The following TTN variants were observed in gnomAD, a reference collection of about 807,000 sequenced individuals.
TTN encodes the protein connectin.
TTN carries 1,525 observed loss-of-function variants against 3,223.0 expected under a neutral mutation model. The observed-to-expected ratio is 0.47, with a 90% CI of 0.45 to 0.49. TTN has a LOEUF of 0.49. Ranked by LOEUF, TTN falls within the 20% of genes least tolerant of loss-of-function variation. TTN has a pLI of 0.00. For synonymous variants in TTN, 14,094 were observed against 15,161.0 expected, an observed-to-expected ratio of 0.93 and a Z score of 5.17; for missense variants, 40,786 against 43,424.0, an observed-to-expected ratio of 0.94 and a Z score of 5.40.
chr2:178,797,652 G>A (rs748456782), intron 6 of TTN, among the ~76,000 whole-genome samples: 1 of 151,996 alleles, frequency 6.6e-6, no homozygotes, highest in East Asian at 1.9e-4. Flanking sequence ...GGCTGGTGTT[G>A]TCTACCTTGT....
chr2:178,559,309 A>G lies in TTN; in HGVS notation c.86821+2T>C. 1 of 1,582,038 alleles carries G rather than the reference A, an allele frequency of 6.3e-7. No individual in the cohort carries two copies. The highest frequency in any genetic ancestry group is 2.2e-5 in the East Asian group (1 of 44,516). ...TAGAATTTCCTTATTCTTAAAACAT[A>G]CCTGTTATTTTTACTCCTTCCTTTG... On this transcript the variant is annotated splice_donor_variant, in intron 326 of 362. Coordinates refer to ENST00000589042, the MANE Select transcript of TTN (RefSeq NM_001267550.2). LOFTEE classifies it high-confidence loss of function.
intron 202 of TTN, 33 bp from the exon 203 acceptor site, chr2:178,652,380 A>T (rs1560108249): frequency 6.2e-7 from 1 of 1,612,228 alleles, no homozygotes. Context: ...ACATTTAGGC[A>T]TTATGAAGAC....
chr2:178,681,252 T>A, intron 137 of TTN, 81 bp from the exon 138 acceptor site: 1 of 1,456,794 alleles, frequency 6.9e-7, no homozygotes. Flanking sequence ...AAAACTGAAA[T>A]GTAAGAATCA....
chr2:178,794,377 C>T (rs773487923), intron 8 of TTN, 22 bp downstream of exon 8: 36 of 1,613,850 alleles, frequency 2.2e-5, no homozygotes, highest in Non-Finnish European at 3.0e-5. Flanking sequence ...CTGCGGGTGC[C>T]CCATGGCAGC....
At chr2:178,537,292 GA>G (rs755825706) in intron 355 of TTN, 49 bp from the exon 356 acceptor site, 2 of 1,528,826 alleles carry the variant, frequency 1.3e-6, no homozygotes, top group African/African-American at 1.4e-5. Context: ...GTGTTTTTGA[GA>G]TTTTTTTTTC....
At chr2:178,747,469 G>A in intron 47 of TTN, 1 of 1,613,366 alleles carries the variant, frequency 6.2e-7, no homozygotes, top group Non-Finnish European at 8.5e-7. Context: ...TTTCTTCACT[G>A]GTTGTACTTC....
intron 151 of TTN, among the ~76,000 whole-genome samples, chr2:178,673,957 G>T (rs910312454): frequency 3.3e-5 from 5 of 151,484 alleles, no homozygotes; most frequent in African/African-American, 1.2e-4. Context: ...GTAAATTAAA[G>T]ATTTTTCTTA....
chr2:178,711,243 G>A lies in TTN; in HGVS notation c.27993C>T (p.Ser9331=), dbSNP rs775636126. 12 of 1,613,766 alleles carry A rather than the reference G, an allele frequency of 7.4e-6. No homozygotes were observed. The highest frequency in any genetic ancestry group is 2.2e-5 in the East Asian group (1 of 44,864). ...GCTTGCCGTCTTTATACCAAGACAC[G>A]GAGATAGGTTCTGATCCACTTATGG... is the stretch of plus-strand genomic sequence containing the variant. The part of the protein sequence containing the change: ...DCAISGSEPI[S]VSWYKDGKPL... Residue 9331 remains serine (S), a synonymous_variant, in exon 97 of 363, where the codon TCC becomes TCT. Transcript: ENST00000589042.
Position 178,608,650 on chromosome 2 carries a change from C to T in TTN, c.52361G>A (p.Gly17454Asp). The change falls in exon 274 of 363, where the codon GGT becomes GAT. Residue 17454 changes from glycine (G) to aspartate (D), a missense_variant. By Grantham distance (94) the Gly-to-Asp change is moderately conservative. Coordinates refer to ENST00000589042, the MANE Select transcript of TTN (RefSeq NM_001267550.2). ...RVRAENRFGP[G>D]PPCVSKPLVA... ...AAGTGGCTTTGAAACACATGGTGGA[C>T]CTGGCCCAAATCTGTTTTCAGCTCT... The T allele has an allele frequency of 1.9e-6, 3 of 1,611,898 alleles. No homozygotes were observed. Among genetic ancestry groups the T allele is most frequent in the Non-Finnish European group, 2.5e-6 (3 of 1,178,906 alleles).
rs751239780 is a variant in TTN, at chr2:178,730,553, T to A, written c.17980A>T (p.Thr5994Ser). The A allele has an allele frequency of 3.1e-6, 5 of 1,613,518 alleles. No individual in the cohort carries two copies. ...TDSGTYTCSA[T>S]NKAGHNQCSG... Reference sequence around the variant, plus strand: ...CATTGGTTGTGCCCTGCCTTATTTGTGGCAGAACAAGTGTATGTCCCACTG... The same window carrying A: ...CATTGGTTGTGCCCTGCCTTATTTGAGGCAGAACAAGTGTATGTCCCACTG... Residue 5994 changes from threonine (T) to serine (S), a missense_variant, in exon 61 of 363, where the codon ACA becomes TCA. Transcript: ENST00000589042.
rs749592460 is a variant in TTN, at chr2:178,618,169, A to G, written c.47269+20T>C. ...GCAATTTACTTAAAAGCTAACTTGA[A>G]TTTACTTAAAACTTCTTACCATATT... On this transcript the variant is annotated intron_variant, in intron 252 of 362. Coordinates refer to ENST00000589042, the MANE Select transcript of TTN (RefSeq NM_001267550.2). 6.2e-7 allele frequency: 1 copy of G among 1,610,610 alleles called. No individual in the cohort carries two copies. Among genetic ancestry groups the G allele is most frequent in the Admixed American group, 1.7e-5 (1 of 59,462 alleles).
At chr2:178,788,016 C>T (rs2093296519) in intron 13 of TTN, among the ~76,000 whole-genome samples, 1 of 152,034 alleles carries the variant, frequency 6.6e-6, no homozygotes, top group South Asian at 2.1e-4. Flanking sequence ...GAAATGCTCA[C>T]TGTTCAACTG....
rs1258062795 is a variant in TTN, at chr2:178,614,953, A to T, written c.48654T>A (p.Gly16218=). The change falls in exon 260 of 363, where the codon GGT becomes GGA. Residue 16218 remains glycine, a synonymous_variant. Transcript: ENST00000589042. ...PVAETKMEVT[G]LEEGKWYAYR... is the part of the protein sequence containing the mutation. ...AGGCATACCATTTGCCTTCCTCAAG[A>T]CCTGTCACTTCCATTCTGTCAGAAA... The T allele has an allele frequency of 5.0e-6, 8 of 1,598,328 alleles. No homozygotes were observed. The Admixed American group carries it at 5.2e-5, about 10-fold the overall frequency.
Position 178,566,080 on chromosome 2 carries a change from T to C in TTN, c.80052A>G (p.Pro26684=), listed in dbSNP as rs761021676. 6.2e-7 allele frequency: 1 copy of C among 1,613,672 alleles called. No individual in the cohort carries two copies. The highest frequency in any genetic ancestry group is 1.3e-5 in the African/African-American group (1 of 75,016). ...TGACTGCCAAATTCTGTGGTGGTCC[T>C]GGAGTGTCAAGAACTTTCACAGTTA... is the stretch of plus-strand genomic sequence containing the variant. ...AFVTVKVLDT[P]GPPQNLAVKE... is the part of the protein sequence containing the mutation. Residue 26684 remains proline, a synonymous_variant, in exon 326 of 363, where the codon CCA becomes CCG. Transcript: ENST00000589042.
chr2:178,668,232 T>A (rs574640601), intron 159 of TTN, among the ~76,000 whole-genome samples: 345 of 152,168 alleles, frequency 2.3e-3, no homozygotes, highest in African/African-American at 8.0e-3. Context: ...ATTAAAAAAA[T>A]TAAATACTTA....
At position 178,619,459 on chromosome 2, in the gene TTN, A is replaced by C. The variant is rs537936248; in HGVS notation, c.46696+162T>G. The stretch of plus-strand genomic sequence containing the variant: ...TATTGCTATTAATTTCCTCTTACTC[A>C]AGACACTTACTTTGTAGTGAGCAAA... On this transcript the variant is annotated intron_variant, in intron 250 of 362. Transcript: ENST00000589042. 21 of 790,562 alleles carry C rather than the reference A, an allele frequency of 2.7e-5. No homozygotes were observed. The African/African-American group carries it at 3.3e-4, about 13-fold the overall frequency. 49.0% of individuals were successfully genotyped at this position (790,562 alleles called of 1,614,324 possible).
chr2:178,526,828 G>T lies in TTN; in HGVS notation c.*184C>A, dbSNP rs1686603047. ...CAGTATGTACATGTCACTAGCAAAT[G>T]TATTATATTCTTAGGTCAACAATTA... On this transcript the variant is annotated 3_prime_UTR_variant, in exon 363 of 363. Transcript: ENST00000589042. 2 of 559,158 alleles carry T rather than the reference G, an allele frequency of 3.6e-6. No individual in the cohort carries two copies. Among genetic ancestry groups the T allele is most frequent in the African/African-American group, 1.9e-5 (1 of 53,462 alleles). 34.6% of individuals were successfully genotyped at this position (559,158 alleles called of 1,614,324 possible).
At position 178,620,808 on chromosome 2, in the gene TTN, C is replaced by G; in HGVS notation, c.45802G>C (p.Asp15268His). The G allele has an allele frequency of 1.2e-6, 2 of 1,612,780 alleles. No homozygotes were observed. The highest frequency in any genetic ancestry group is 1.7e-6 in the Non-Finnish European group (2 of 1,179,154). The change falls in exon 247 of 363, where the codon GAT becomes CAT. Residue 15268 changes from aspartate (D) to histidine (H), a missense_variant. By Grantham distance (81) the Asp-to-His change is moderately conservative. Coordinates refer to ENST00000589042, the MANE Select transcript of TTN (RefSeq NM_001267550.2). ...KDLVYTLRIR[D>H]AHLDDQANYN... ...TTGGCTTGGTCATCTAAGTGTGCAT[C>G]TCTAATTCTGAGGGTGTAGACTAGG...
chr2:178,604,599 C>G, intron 281 of TTN, 109 bp downstream of exon 281: 1 of 1,190,142 alleles, frequency 8.4e-7, no homozygotes, highest in Non-Finnish European at 1.2e-6. Context: ...AACAGCTTAT[C>G]GTGTGTGGTT....
Sources: allele counts gnomAD v4.1 joint callset (sites outside exome capture counted in the v4.1 genomes callset), GRCh38; gene constraint gnomAD v4.1.1; transcripts MANE v1.5; gene names NCBI Gene and HGNC (gene_info 2026-07-23, HGNC 2026-07-21).